The following EDIL3 variants were observed in gnomAD, a reference collection of about 807,000 sequenced individuals.
EDIL3 encodes the protein EGF-like repeat and discoidin I-like domain-containing protein 3.
Under a neutral mutation model 67.4 loss-of-function variants are expected in EDIL3, and 37 were observed. That is an observed-to-expected ratio of 0.55 (90% confidence interval 0.42 to 0.72). The LOEUF is 0.72. Among genes scored for constraint, EDIL3 ranks in the 30% least tolerant of loss-of-function variants. EDIL3 has a pLI of 0.00. For missense variants in EDIL3, 527 were observed against 586.3 expected (o/e 0.90, Z 1.04); for synonymous variants, 195 against 196.3 (o/e 0.99, Z 0.05).
At chr5:84,212,005 G>T (rs1159758958) in intron 3 of EDIL3, among the ~76,000 whole-genome samples, 2 of 152,162 alleles carry the variant, frequency 1.3e-5, no homozygotes, top group Non-Finnish European at 2.9e-5. Flanking sequence ...CTGCTGTGCT[G>T]TTTTGATTGC....
intron 1 of EDIL3, among the ~76,000 whole-genome samples, chr5:84,269,033 C>A (rs528574410): frequency 6.6e-6 from 1 of 152,064 alleles, no homozygotes; most frequent in Admixed American, 6.6e-5. Context: ...CTTTAAACAC[C>A]CTCTTCTTTT....
At chr5:84,065,526 T>C (rs1746623521) in intron 7 of EDIL3, among the ~76,000 whole-genome samples, 1 of 148,104 alleles carries the variant, frequency 6.8e-6, no homozygotes, top group African/African-American at 2.6e-5. Flanking sequence ...AAAAATATTT[T>C]ATATAATTTA....
intron 1 of EDIL3, among the ~76,000 whole-genome samples, chr5:84,355,026 G>T (rs999953708): frequency 6.6e-6 from 1 of 152,170 alleles, no homozygotes; most frequent in East Asian, 2.0e-4. Flanking sequence ...TTGAATGTTG[G>T]CCTGTCTTGC....
intron 9 of EDIL3, among the ~76,000 whole-genome samples, chr5:84,035,440 T>TA (rs1746004997): frequency 2.6e-5 from 4 of 152,294 alleles, no homozygotes; most frequent in Non-Finnish European, 5.9e-5. Context: ...AAAATAATGG[T>TA]GATCCCTTAA....
At chr5:84,071,651 T>C (rs900602518) in intron 6 of EDIL3, among the ~76,000 whole-genome samples, 6 of 152,194 alleles carry the variant, frequency 3.9e-5, no homozygotes, top group African/African-American at 1.4e-4. Context: ...TAAAACCCTT[T>C]CCAGAAGGGA....
chr5:84,188,606 G>A (rs565815215), intron 3 of EDIL3, among the ~76,000 whole-genome samples: 3 of 150,388 alleles, frequency 2.0e-5, no homozygotes, highest in Non-Finnish European at 3.0e-5. Flanking sequence ...TCAGGACCTC[G>A]GAATGTGACT....
At chr5:84,116,934 A>T (rs1747675470) in intron 5 of EDIL3, among the ~76,000 whole-genome samples, 1 of 151,864 alleles carries the variant, frequency 6.6e-6, no homozygotes, top group South Asian at 2.1e-4. Context: ...TTGAAATATG[A>T]AAGTTGACTT....
intron 1 of EDIL3, among the ~76,000 whole-genome samples, chr5:84,369,244 A>T (rs894526219): frequency 1.2e-5 from 1 of 80,466 alleles, no homozygotes; most frequent in Non-Finnish European, 2.9e-5. Flanking sequence ...ATACACACAC[A>T]TATAAATATA....
At chr5:84,361,270 A>AACACACACACACACACACAC (rs10553087) in intron 1 of EDIL3, among the ~76,000 whole-genome samples, 1 of 147,398 alleles carries the variant, frequency 6.8e-6, no homozygotes, top group Non-Finnish European at 1.5e-5. Flanking sequence ...AGGTCATTAC[A>AACACACACACACACACACAC]ACACACACAC....
At chr5:84,384,069 C>T (rs996837754) in intron 1 of EDIL3, among the ~76,000 whole-genome samples, 5 of 152,152 alleles carry the variant, frequency 3.3e-5, no homozygotes, top group African/African-American at 1.2e-4. Flanking sequence ...CACCGTCCTC[C>T]TCTTTCCTGT....
intron 9 of EDIL3, among the ~76,000 whole-genome samples, chr5:84,058,239 G>A (rs1746482714): frequency 6.6e-6 from 1 of 151,994 alleles, no homozygotes; most frequent in South Asian, 2.1e-4. Flanking sequence ...GCCAAATCAT[G>A]CAAAAAACTC....
chr5:84,051,378 T>C (rs1288090565), intron 9 of EDIL3, among the ~76,000 whole-genome samples: 1 of 151,998 alleles, frequency 6.6e-6, no homozygotes, highest in Non-Finnish European at 1.5e-5. Flanking sequence ...ATAGAAAAAT[T>C]GAAAATTCTA....
chr5:83,964,482 A>G (rs2112131030), intron 9 of EDIL3, among the ~76,000 whole-genome samples: 1 of 151,950 alleles, frequency 6.6e-6, no homozygotes, highest in African/African-American at 2.4e-5. Context: ...TTTTGTTTCT[A>G]TTTCAGGTCC....
chr5:84,334,699 T>C (rs538325221), intron 1 of EDIL3, among the ~76,000 whole-genome samples: 111 of 152,360 alleles, frequency 7.3e-4, no homozygotes, highest in Non-Finnish European at 1.3e-3. Context: ...TAACTTTTAA[T>C]GATGCCCTCA....
At position 84,384,487 on chromosome 5, in the gene EDIL3, G is replaced by A. The variant is rs1561276368; in HGVS notation, c.-113C>T. On this transcript the variant is annotated 5_prime_UTR_variant, in exon 1 of 11. Transcript: ENST00000296591. ...ACTCCGCCCCTACTAAAGAATTCAA[G>A]AAGACGTTCTCTTTCCTCAGCGCTT... The A allele has an allele frequency of 4.0e-6, 4 of 994,310 alleles. No individual in the cohort carries two copies. Among genetic ancestry groups the A allele is most frequent in the Non-Finnish European group, 6.1e-6 (4 of 656,070 alleles). 61.6% of individuals were successfully genotyped at this position (994,310 alleles called of 1,614,324 possible).
intron 2 of EDIL3, among the ~76,000 whole-genome samples, chr5:84,231,921 G>C (rs1396983183): frequency 6.6e-6 from 1 of 152,126 alleles, no homozygotes; most frequent in Non-Finnish European, 1.5e-5. Context: ...GTCACTTTAT[G>C]TGTATGAACT....
intron 4 of EDIL3, among the ~76,000 whole-genome samples, chr5:84,172,736 C>A (rs1371365780): frequency 1.3e-5 from 2 of 152,178 alleles, no homozygotes; most frequent in Non-Finnish European, 2.9e-5. Context: ...TTGGTAGATA[C>A]ACCTGATAGC....
Position 83,943,538 on chromosome 5 carries a change from G to C in EDIL3, c.1324C>G (p.His442Asp). 6.2e-7 allele frequency: 1 copy of C among 1,612,302 alleles called. No homozygotes were observed. Among genetic ancestry groups the C allele is most frequent in the Non-Finnish European group, 8.5e-7 (1 of 1,178,968 alleles). ...GGAGGGTCGATGACATTTTTTCTGT[G>C]AGTGTCATTGTCAAAATTTCCCTGG... ...VFQGNFDNDT[H>D]RKNVIDPPIY... The change falls in exon 11 of 11, where the codon CAC (histidine) becomes GAC (aspartate). Residue 442 changes from histidine to aspartate, a missense_variant. By Grantham distance (81) the His-to-Asp change is moderately conservative. This residue lies in a region of EDIL3 where 33 missense variants were observed against 63.7 expected (regional missense o/e 0.52). Transcript: ENST00000296591.
At chr5:84,079,067 C>T (rs1483269138) in intron 6 of EDIL3, among the ~76,000 whole-genome samples, 1 of 152,096 alleles carries the variant, frequency 6.6e-6, no homozygotes, top group Non-Finnish European at 1.5e-5. Context: ...AATAATGAAA[C>T]TTCTATAAAA....
Sources: gnomAD v4.1 joint callset for allele counts (sites outside exome capture counted in the v4.1 genomes callset) on GRCh38, gnomAD v4.1.1 for gene constraint, gnomAD v4.1.1 regional missense constraint, MANE v1.5 for transcripts, NCBI Gene and HGNC (gene_info 2026-07-23, HGNC 2026-07-21) for gene names.